SETBP1: variants seen among roughly 807,000 people sequenced by gnomAD.
SETBP1 encodes the protein SET-binding protein.
In SETBP1, 9 loss-of-function variants were observed where a neutral mutation model predicts 101.0. The ratio of observed to expected loss-of-function variants is 0.09; its 90% CI spans 0.05 to 0.16. The LOEUF (loss-of-function observed/expected upper bound fraction) is 0.16, where lower values mean the gene tolerates loss of function less well. Ranked by LOEUF, SETBP1 falls within the 10% of genes least tolerant of loss-of-function variation. The pLI is 1.00. For missense variants in SETBP1, 1,858 were observed against 2,033.8 expected (o/e 0.91, Z 1.66); for synonymous variants, 818 against 788.5 (o/e 1.04, Z -0.63).
intron 2 of SETBP1, among the ~76,000 whole-genome samples, chr18:44,835,578 T>C (rs1427477850): frequency 6.6e-6 from 1 of 152,236 alleles, no homozygotes; most frequent in Non-Finnish European, 1.5e-5. Context: ...TTAACTATTG[T>C]CCTATATTTT....
chr18:44,867,342 G>T (rs1004619102), intron 2 of SETBP1, among the ~76,000 whole-genome samples: 2 of 152,080 alleles, frequency 1.3e-5, no homozygotes, highest in African/African-American at 4.8e-5. Context: ...TCACATCTTT[G>T]CTCTTGCACC....
chr18:44,995,529 T>TTTTGTGTG (rs894181469), intron 4 of SETBP1, among the ~76,000 whole-genome samples: 3 of 142,876 alleles, frequency 2.1e-5, no homozygotes, highest in African/African-American at 7.8e-5. Context: ...GTCCAGGCTT[T>TTTTGTGTG]TGTGTGTGTG....
intron 2 of SETBP1, among the ~76,000 whole-genome samples, chr18:44,793,233 G>T (rs756168551): frequency 4.6e-5 from 7 of 152,194 alleles, no homozygotes; most frequent in Non-Finnish European, 1.0e-4. Flanking sequence ...TCTATAAAAT[G>T]AGGCAGCTGG....
At chr18:44,865,259 A>G (rs1341793187) in intron 2 of SETBP1, among the ~76,000 whole-genome samples, 7 of 152,226 alleles carry the variant, frequency 4.6e-5, no homozygotes, top group Non-Finnish European at 7.3e-5. Context: ...GGTATGTTTT[A>G]GTACCAAACA....
At chr18:44,858,400 G>T (rs1030426079) in intron 2 of SETBP1, among the ~76,000 whole-genome samples, 5 of 152,206 alleles carry the variant, frequency 3.3e-5, no homozygotes, top group Non-Finnish European at 7.3e-5. Context: ...TTTTCAAATA[G>T]CAGTTCAAAG....
At chr18:44,989,696 C>T (rs1043182935) in intron 4 of SETBP1, among the ~76,000 whole-genome samples, 3 of 150,724 alleles carry the variant, frequency 2.0e-5, no homozygotes, top group South Asian at 2.1e-4. Context: ...GGTGAAACCC[C>T]GTCTCTACTA....
At chr18:44,868,612 T>C (rs1413910224) in intron 2 of SETBP1, among the ~76,000 whole-genome samples, 1 of 151,056 alleles carries the variant, frequency 6.6e-6, no homozygotes. Context: ...GGAGAATTGC[T>C]TGAACCTGGG....
Position 45,038,663 on chromosome 18 carries a change from C to T in SETBP1, c.4171+8C>T. 6.2e-7 allele frequency: 1 copy of T among 1,613,814 alleles called. No individual in the cohort carries two copies. The highest frequency in any genetic ancestry group is 8.5e-7 in the Non-Finnish European group (1 of 1,179,928). Reference sequence around the variant, plus strand: ...CAGCAACGTCGGATGCAGGTGAGCACTTTTCAGATGCTTTGGGTTCACCCC... The same window carrying T: ...CAGCAACGTCGGATGCAGGTGAGCATTTTTCAGATGCTTTGGGTTCACCCC... On this transcript the variant is annotated splice_region_variant and intron_variant, in intron 5 of 5. Transcript: ENST00000649279.
chr18:44,843,974 C>A (rs2072672688), intron 2 of SETBP1, among the ~76,000 whole-genome samples: 1 of 152,182 alleles, frequency 6.6e-6, no homozygotes, highest in Non-Finnish European at 1.5e-5. Flanking sequence ...CTCAGGTTCA[C>A]AAACTCTTTT....
At chr18:44,692,120 A>G (rs1469528067) in intron 1 of SETBP1, among the ~76,000 whole-genome samples, 2 of 152,094 alleles carry the variant, frequency 1.3e-5, no homozygotes, top group Non-Finnish European at 2.9e-5. Context: ...TTGGTCTTCA[A>G]CTCCTGTCCC....
intron 3 of SETBP1, among the ~76,000 whole-genome samples, chr18:44,931,598 A>T (rs2070835551): frequency 6.6e-6 from 1 of 152,058 alleles, no homozygotes; most frequent in South Asian, 2.1e-4. Context: ...GTCTCTAAGG[A>T]CTTGCTTTAT....
intron 2 of SETBP1, among the ~76,000 whole-genome samples, chr18:44,817,070 G>A (rs1369547372): frequency 6.6e-6 from 1 of 152,162 alleles, no homozygotes; most frequent in East Asian, 1.9e-4. Context: ...GACAGGAGGC[G>A]GATCTGCACA....
chr18:44,726,837 G>A (rs767050394), intron 2 of SETBP1, among the ~76,000 whole-genome samples: 3 of 152,178 alleles, frequency 2.0e-5, no homozygotes. Context: ...TGAAAGGGCT[G>A]GCTAGATTAT....
chr18:44,751,096 CT>C (rs1197382098), intron 2 of SETBP1, among the ~76,000 whole-genome samples: 2 of 152,186 alleles, frequency 1.3e-5, no homozygotes, highest in African/African-American at 2.4e-5. Context: ...CACTTACTAT[CT>C]CCTGCAGGAC....
In SETBP1 at chr18:45,003,811, CTT is replaced by C. The variant is rs2072668223; in HGVS notation, c.4001-34671_4001-34670del. On this transcript the variant is annotated intron_variant, in intron 4 of 5. Transcript: ENST00000649279. ...TTCGTAATCTAAATGTGGTGACTCT[CTT>C]TTAAATTCCAGGAAGGGTGACATTT... Among the ~76,000 whole-genome samples, 5 of 152,202 alleles carry C rather than the reference CTT, an allele frequency of 3.3e-5. No individual in the cohort carries two copies. In the South Asian group the frequency reaches 1.0e-3, roughly 32 times the overall value.
At chr18:44,982,043 C>T (rs771386827) in intron 4 of SETBP1, among the ~76,000 whole-genome samples, 5 of 152,080 alleles carry the variant, frequency 3.3e-5, no homozygotes, top group South Asian at 2.1e-4. Context: ...CCCCATAAAG[C>T]GAAAGTTTGG....
intron 4 of SETBP1, among the ~76,000 whole-genome samples, chr18:44,962,371 A>G (rs1282565000): frequency 6.6e-6 from 1 of 152,148 alleles, no homozygotes; most frequent in African/African-American, 2.4e-5. Flanking sequence ...AGGCACAGCT[A>G]CCGTGAAGAG....
intron 2 of SETBP1, among the ~76,000 whole-genome samples, chr18:44,827,840 T>C (rs8093589): frequency 0.99 from 151,169 of 152,298 alleles, 75,034 homozygotes; most frequent in Middle Eastern, 1. Flanking sequence ...CAACCAGCTC[T>C]GCCATGGGTA....
chr18:44,799,952 A>T (rs1232149696), intron 2 of SETBP1, among the ~76,000 whole-genome samples: 1 of 152,194 alleles, frequency 6.6e-6, no homozygotes, highest in Admixed American at 6.5e-5. Flanking sequence ...CCAGTGTGGA[A>T]GCTACCCCAG....
Sources: gnomAD v4.1 joint callset for allele counts (sites outside exome capture counted in the v4.1 genomes callset) on GRCh38, gnomAD v4.1.1 for gene constraint, MANE v1.5 for transcripts, NCBI Gene and HGNC (gene_info 2026-07-23, HGNC 2026-07-21) for gene names.